Variants in ERCC6L2 observed in about 807,000 individuals in gnomAD.
The protein encoded by ERCC6L2 is DNA excision repair protein ERCC-6-like 2.
Under a neutral mutation model 132.0 loss-of-function variants are expected in ERCC6L2, and 77 were observed. The observed-to-expected ratio is 0.58, with a 90% CI of 0.49 to 0.71. The LOEUF (loss-of-function observed/expected upper bound fraction) is 0.71, where lower values mean the gene tolerates loss of function less well. Among genes scored for constraint, ERCC6L2 ranks in the 30% least tolerant of loss-of-function variants. The pLI is 0.00. For missense variants in ERCC6L2, 1,542 were observed against 1,837.6 expected (o/e 0.84, Z 2.94); for synonymous variants, 583 against 632.4 (o/e 0.92, Z 1.17).
intron 13 of ERCC6L2, among the ~76,000 whole-genome samples, chr9:95,957,084 A>G (rs1437269322): frequency 1.3e-5 from 2 of 152,194 alleles, no homozygotes; most frequent in East Asian, 1.9e-4. Flanking sequence ...TTCGTCCGAA[A>G]TTGCATTAAC....
chr9:95,881,363 T>C (rs1827583176), intron 2 of ERCC6L2, 70 bp downstream of exon 2: 4 of 1,182,490 alleles, frequency 3.4e-6, no homozygotes, highest in Non-Finnish European at 4.6e-6. Flanking sequence ...TGTAAATCTT[T>C]ATTTGTACTG....
intron 4 of ERCC6L2, among the ~76,000 whole-genome samples, chr9:95,914,908 G>T (rs908795866): frequency 6.6e-6 from 1 of 152,000 alleles, no homozygotes; most frequent in Non-Finnish European, 1.5e-5. Flanking sequence ...TCATATTTAG[G>T]TCTGTGATCT....
At chr9:95,937,189 A>C (rs1193896819) in intron 11 of ERCC6L2, among the ~76,000 whole-genome samples, 1 of 152,202 alleles carries the variant, frequency 6.6e-6, no homozygotes, top group East Asian at 1.9e-4. Flanking sequence ...GTTTTATAAG[A>C]AATTGCTAAA....
chr9:95,898,370 T>C (rs919118447), intron 3 of ERCC6L2, among the ~76,000 whole-genome samples: 1 of 152,136 alleles, frequency 6.6e-6, no homozygotes, highest in Non-Finnish European at 1.5e-5. Context: ...GTAACAAAAG[T>C]GCGTCATTGA....
chr9:95,915,604 A>C, intron 4 of ERCC6L2, 64 bp from the exon 5 acceptor site: 1 of 1,483,110 alleles, frequency 6.7e-7, no homozygotes, highest in Non-Finnish European at 9.1e-7. Context: ...GCTACTGTCT[A>C]AAATTGTAAG....
chr9:95,906,992 ACTATTG>A, intron 3 of ERCC6L2, 80 bp from the exon 4 acceptor site: 1 of 848,808 alleles, frequency 1.2e-6, no homozygotes, highest in Admixed American at 2.6e-5. Flanking sequence ...AAGGAAGAGG[ACTATTG>A]ATATTGATAT....
At position 95,972,470 on chromosome 9, in the gene ERCC6L2, A is replaced by G. The variant is rs920211947; in HGVS notation, c.2719A>G (p.Thr907Ala). 2.3e-6 allele frequency: 3 copies of G among 1,289,628 alleles called. No individual in the cohort carries two copies. The highest frequency in any genetic ancestry group is 1.5e-5 in the African/African-American group (1 of 65,972). The allele number at this position is 1,289,628 out of a possible 1,614,324, so 79.9% of individuals were successfully genotyped here. The change falls in exon 16 of 19, where the codon ACA becomes GCA. Residue 907 changes from threonine (T) to alanine (A), a missense_variant. Thr to Ala is a moderately conservative substitution (Grantham distance 58). This residue lies in a region of ERCC6L2 where 945 missense variants were observed against 1,105.2 expected (regional missense o/e 0.86). Coordinates refer to ENST00000653738, the MANE Select transcript of ERCC6L2 (RefSeq NM_020207.7). The part of the protein sequence containing the change: ...ESEDSDVICP[T>A]QYTTERFPDN... ...AGAAGATAGTGATGTCATCTGTCCT[A>G]CACAATACACAACTGAGAGATTCCC...
At chr9:95,976,143 C>T (rs1020167004) in intron 16 of ERCC6L2, among the ~76,000 whole-genome samples, 9 of 152,168 alleles carry the variant, frequency 5.9e-5, no homozygotes, top group African/African-American at 2.2e-4. Context: ...AATCTTTTCT[C>T]ACCTCACAGA....
chr9:95,999,102 T>C (rs553808183), intron 17 of ERCC6L2, among the ~76,000 whole-genome samples: 1 of 152,342 alleles, frequency 6.6e-6, no homozygotes, highest in African/African-American at 2.4e-5. Flanking sequence ...GGCTCACTCC[T>C]GTAATCCCAG....
intron 16 of ERCC6L2, among the ~76,000 whole-genome samples, chr9:95,977,168 A>T (rs912678962): frequency 7.2e-5 from 11 of 152,186 alleles, no homozygotes; most frequent in African/African-American, 2.4e-4. Flanking sequence ...AAATTAAGAA[A>T]CATCTGAGTA....
At chr9:95,971,834 C>A in intron 15 of ERCC6L2, 99 bp from the exon 16 acceptor site, 1 of 588,990 alleles carries the variant, frequency 1.7e-6, no homozygotes, top group Non-Finnish European at 2.6e-6. Flanking sequence ...AAGTGATATA[C>A]TTGTACCTAA....
chr9:95,886,524 A>G (rs1827877357), intron 2 of ERCC6L2, among the ~76,000 whole-genome samples: 1 of 152,118 alleles, frequency 6.6e-6, no homozygotes, highest in African/African-American at 2.4e-5. Context: ...TTCCTCTTCT[A>G]TCATCTACTG....
At chr9:95,971,303 T>C (rs1248220621) in intron 15 of ERCC6L2, among the ~76,000 whole-genome samples, 1 of 152,154 alleles carries the variant, frequency 6.6e-6, no homozygotes. Flanking sequence ...AAAAGTATTA[T>C]CAGATAATAC....
At chr9:95,951,840 G>A (rs183896621) in intron 12 of ERCC6L2, among the ~76,000 whole-genome samples, 1 of 142,968 alleles carries the variant, frequency 7.0e-6, no homozygotes, top group African/African-American at 2.5e-5. Context: ...GGACCTTAAG[G>A]CTTTGCTGAT....
intron 3 of ERCC6L2, among the ~76,000 whole-genome samples, chr9:95,901,973 A>T (rs1828802114): frequency 6.6e-6 from 1 of 152,206 alleles, no homozygotes; most frequent in Non-Finnish European, 1.5e-5. Context: ...TTTCTTTTGT[A>T]TTTATTATGC....
At chr9:95,959,856 C>T (rs1002560613) in intron 13 of ERCC6L2, among the ~76,000 whole-genome samples, 35 of 151,996 alleles carry the variant, frequency 2.3e-4, no homozygotes, top group African/African-American at 8.4e-4. Flanking sequence ...AAGTTGGGAT[C>T]AGATTGAAGG....
intron 4 of ERCC6L2, among the ~76,000 whole-genome samples, chr9:95,914,913 T>C (rs1180424713): frequency 6.6e-6 from 1 of 152,150 alleles, no homozygotes; most frequent in African/African-American, 2.4e-5. Context: ...TTTAGGTCTG[T>C]GATCTGTTTT....
rs561046171 is a variant in ERCC6L2, at chr9:96,000,202, A to G, written c.3493-4318A>G. ...GCGCCTGGCCAAGATACAATTTTTT[A>G]AAATATATTTTTAAGGAAAGTACTT... On this transcript the variant is annotated intron_variant, in intron 17 of 18. Coordinates refer to ENST00000653738, the MANE Select transcript of ERCC6L2 (RefSeq NM_020207.7). 1.6e-4 allele frequency among the ~76,000 whole-genome samples: 24 copies of G among 152,250 alleles called. No homozygotes were observed. In the South Asian group the frequency reaches 5.0e-3, roughly 32 times the overall value.
At chr9:95,942,149 C>T (rs1830834448) in intron 12 of ERCC6L2, among the ~76,000 whole-genome samples, 1 of 151,996 alleles carries the variant, frequency 6.6e-6, no homozygotes, top group South Asian at 2.1e-4. Context: ...AGAAAGCTTC[C>T]TAGAATGGAT....
Sources: gnomAD v4.1 joint callset for allele counts (sites outside exome capture counted in the v4.1 genomes callset) on GRCh38, gnomAD v4.1.1 for gene constraint, gnomAD v4.1.1 regional missense constraint, MANE v1.5 for transcripts, NCBI Gene and HGNC (gene_info 2026-07-23, HGNC 2026-07-21) for gene names.